Variants in STPG2 observed in about 807,000 individuals in gnomAD.
The protein encoded by STPG2 is sperm tail PG-rich repeat containing 2.
A neutral mutation model predicts 54.2 loss-of-function variants in STPG2; 56 were observed. The observed-to-expected ratio is 1.03, with a 90% CI of 0.83 to 1.29. The LOEUF (loss-of-function observed/expected upper bound fraction) is 1.29, where lower values mean the gene tolerates loss of function less well. Among genes scored for constraint, STPG2 ranks in the 50% most tolerant of loss-of-function variants. The pLI is 0.00. For synonymous variants in STPG2, 200 were observed against 181.8 expected (o/e 1.10, Z -0.81); for missense variants, 596 against 544.9 (o/e 1.09, Z -0.93).
At chr4:97,930,615 G>A (rs1732506976) in intron 8 of STPG2, among the ~76,000 whole-genome samples, 1 of 152,134 alleles carries the variant, frequency 6.6e-6, no homozygotes, top group Non-Finnish European at 1.5e-5. Context: ...GTAACATGAT[G>A]CCTCCACCTT....
intron 8 of STPG2, among the ~76,000 whole-genome samples, chr4:97,882,304 G>A (rs2149165813): frequency 6.6e-6 from 1 of 151,674 alleles, no homozygotes; most frequent in South Asian, 2.1e-4. Flanking sequence ...CCTTGGGGAG[G>A]AAAATAGCTG....
chr4:97,686,450 C>T (rs1723191319), intron 10 of STPG2, among the ~76,000 whole-genome samples: 1 of 152,066 alleles, frequency 6.6e-6, no homozygotes. Context: ...AATGTTAACA[C>T]CTTTCAGTTT....
intron 7 of STPG2, among the ~76,000 whole-genome samples, chr4:97,951,616 C>A (rs1733474582): frequency 6.6e-6 from 1 of 151,902 alleles, no homozygotes; most frequent in Non-Finnish European, 1.5e-5. Flanking sequence ...GTTATAGAGA[C>A]TCTTTGCATG....
At chr4:97,676,016 C>A (rs1722832356) in intron 10 of STPG2, among the ~76,000 whole-genome samples, 1 of 143,166 alleles carries the variant, frequency 7.0e-6, no homozygotes, top group Admixed American at 7.1e-5. Flanking sequence ...ATATATATTA[C>A]TAAATTTATA....
chr4:97,975,538 T>C (rs1734469329), intron 6 of STPG2, among the ~76,000 whole-genome samples: 1 of 152,200 alleles, frequency 6.6e-6, no homozygotes, highest in Middle Eastern at 3.2e-3. Context: ...TACAACTTTC[T>C]ATGCTGTTCA....
intron 10 of STPG2, among the ~76,000 whole-genome samples, chr4:97,612,596 C>A (rs895762008): frequency 2.0e-5 from 3 of 151,980 alleles, no homozygotes; most frequent in Non-Finnish European, 2.9e-5. Context: ...CATTTTATTA[C>A]CTCTGACCAT....
At chr4:98,065,072 A>G (rs755555121) in intron 5 of STPG2, among the ~76,000 whole-genome samples, 4 of 152,086 alleles carry the variant, frequency 2.6e-5, no homozygotes, top group Non-Finnish European at 4.4e-5. Context: ...GCTAATTTGA[A>G]AAGGTATTTT....
rs551278709 is a variant in STPG2, at chr4:97,535,123, T to C, written c.462+177576A>G. Among the ~76,000 whole-genome samples, 16 of 152,342 alleles carry C rather than the reference T, an allele frequency of 1.1e-4. No individual in the cohort carries two copies. The South Asian group carries it at 3.1e-3, about 30-fold the overall frequency. ...TAAAGGTTTTCTTATGAACATAGCT[T>C]TTCATTTCATTTGGGCAAATACTTA... On this transcript the variant is annotated intron_variant, in intron 4 of 4. Transcript: ENST00000522676.
At chr4:97,826,261 CT>C (rs1728255835) in intron 9 of STPG2, among the ~76,000 whole-genome samples, 1 of 152,164 alleles carries the variant, frequency 6.6e-6, no homozygotes, top group African/African-American at 2.4e-5. Context: ...GTAGAATGTA[CT>C]TTTGGTAAAA....
chr4:97,889,778 T>C (rs1220825190), intron 8 of STPG2, among the ~76,000 whole-genome samples: 8 of 152,246 alleles, frequency 5.3e-5, no homozygotes, highest in Admixed American at 2.0e-4. Context: ...ATGGTGACTA[T>C]AGTTAATATA....
intron 7 of STPG2, among the ~76,000 whole-genome samples, chr4:97,945,607 C>T (rs1448841783): frequency 1.3e-5 from 2 of 152,132 alleles, no homozygotes; most frequent in Non-Finnish European, 2.9e-5. Context: ...AATCGTAGAT[C>T]TATTTTTAGT....
At chr4:97,758,827 C>T (rs759697155) in intron 9 of STPG2, among the ~76,000 whole-genome samples, 6 of 151,656 alleles carry the variant, frequency 4.0e-5, no homozygotes, top group Non-Finnish European at 5.9e-5. Context: ...TTATTTTGTT[C>T]TGGCATTTCA....
At chr4:97,696,825 A>G (rs762000006) in intron 10 of STPG2, among the ~76,000 whole-genome samples, 6 of 152,212 alleles carry the variant, frequency 3.9e-5, no homozygotes, top group Non-Finnish European at 5.9e-5. Flanking sequence ...CAAACCCACA[A>G]TGTAATACCA....
intron 4 of STPG2, among the ~76,000 whole-genome samples, chr4:97,468,794 T>G (rs527696852): frequency 1.3e-5 from 2 of 152,142 alleles, no homozygotes; most frequent in African/African-American, 4.8e-5. Flanking sequence ...TCAAATAGCC[T>G]CATAGTGATT....
At chr4:97,570,287 C>G (rs1732566252) in intron 10 of STPG2, among the ~76,000 whole-genome samples, 1 of 152,018 alleles carries the variant, frequency 6.6e-6, no homozygotes, top group Non-Finnish European at 1.5e-5. Flanking sequence ...GATAGCTAAA[C>G]TCGGTTTTAT....
At chr4:97,808,757 G>A (rs1727649268) in intron 9 of STPG2, among the ~76,000 whole-genome samples, 1 of 145,052 alleles carries the variant, frequency 6.9e-6, no homozygotes, top group Non-Finnish European at 1.5e-5. Flanking sequence ...GAAAGTAAAA[G>A]GAAGAAAAAA....
At chr4:97,621,655 A>T (rs963657753) in intron 10 of STPG2, among the ~76,000 whole-genome samples, 2 of 152,280 alleles carry the variant, frequency 1.3e-5, no homozygotes, top group Admixed American at 1.3e-4. Context: ...CAGTGAAAAG[A>T]AGCTCAGGGC....
chr4:97,695,801 G>A (rs1723551422), intron 10 of STPG2, among the ~76,000 whole-genome samples: 1 of 150,392 alleles, frequency 6.6e-6, no homozygotes, highest in Admixed American at 6.6e-5. Flanking sequence ...CCAAACCAAG[G>A]AAGTGAAAGA....
intron 9 of STPG2, among the ~76,000 whole-genome samples, chr4:97,738,603 AAG>A (rs1222727847): frequency 1.3e-5 from 2 of 152,228 alleles, no homozygotes; most frequent in Non-Finnish European, 2.9e-5. Context: ...CAAAGATCAA[AAG>A]AGACAAACAA....
Sources: gnomAD v4.1 joint callset for allele counts (sites outside exome capture counted in the v4.1 genomes callset) on GRCh38, gnomAD v4.1.1 for gene constraint, MANE v1.5 for transcripts, NCBI Gene and HGNC (gene_info 2026-07-23, HGNC 2026-07-21) for gene names.